Variants in RIMS1 observed in about 807,000 individuals in gnomAD.
RIMS1 encodes the protein regulating synaptic membrane exocytosis 1.
Under a neutral mutation model 214.1 loss-of-function variants are expected in RIMS1, and 83 were observed. That is an observed-to-expected ratio of 0.39 (90% confidence interval 0.32 to 0.47). The LOEUF is 0.47. Ranked by LOEUF, RIMS1 falls within the 20% of genes least tolerant of loss-of-function variation. The pLI is 0.99. For missense variants in RIMS1, 2,050 were observed against 2,161.8 expected (o/e 0.95, Z 1.03); for synonymous variants, 793 against 786.8 (o/e 1.01, Z -0.13).
chr6:72,133,504 C>A (rs2040789853), intron 4 of RIMS1, among the ~76,000 whole-genome samples: 1 of 152,174 alleles, frequency 6.6e-6, no homozygotes, highest in African/African-American at 2.4e-5. Context: ...CTGGCTTGCA[C>A]ATATCAGTTG....
chr6:71,964,353 C>T (rs1793843994), intron 1 of RIMS1, among the ~76,000 whole-genome samples: 1 of 152,060 alleles, frequency 6.6e-6, no homozygotes, highest in Non-Finnish European at 1.5e-5. Context: ...GTGGCAGGAC[C>T]TGATTTATCT....
At chr6:72,131,204 A>G (rs1479877234) in intron 4 of RIMS1, among the ~76,000 whole-genome samples, 2 of 152,346 alleles carry the variant, frequency 1.3e-5, no homozygotes, top group African/African-American at 4.8e-5. Flanking sequence ...GAACTCTCCT[A>G]TACTGAGCAT....
At chr6:72,333,864 C>A in intron 29 of RIMS1, 29 bp downstream of exon 29, 1 of 1,471,310 alleles carries the variant, frequency 6.8e-7, no homozygotes, top group Non-Finnish European at 9.3e-7. Context: ...ACCTAAACAA[C>A]TCAATTCTTT....
chr6:72,043,609 C>T lies in RIMS1; in HGVS notation c.246-53340C>T, dbSNP rs945421085. ...AATTCTGAGTGTGTTCCTTTGAGAA[C>T]ATTAATTTCACAGTAAAATTGTCAA... On this transcript the variant is annotated intron_variant, in intron 2 of 33. Coordinates refer to ENST00000521978, the MANE Select transcript of RIMS1 (RefSeq NM_014989.7). Among the ~76,000 whole-genome samples the T allele has an allele frequency of 7.6e-5, 11 of 145,328 alleles. No individual in the cohort carries two copies. In the South Asian group the frequency reaches 1.3e-3, roughly 17 times the overall value.
intron 1 of RIMS1, among the ~76,000 whole-genome samples, chr6:71,916,939 A>G (rs1368790224): frequency 1.3e-5 from 2 of 152,122 alleles, no homozygotes; most frequent in African/African-American, 2.4e-5. Context: ...ATGACAGCCA[A>G]TGTTCCTACC....
chr6:72,390,039 A>G (rs1350205373), intron 29 of RIMS1, among the ~76,000 whole-genome samples: 1 of 152,260 alleles, frequency 6.6e-6, no homozygotes, highest in Non-Finnish European at 1.5e-5. Flanking sequence ...TATATGGAGT[A>G]GAAATAAGTA....
At chr6:72,040,931 C>T (rs997125471) in intron 2 of RIMS1, among the ~76,000 whole-genome samples, 1 of 151,692 alleles carries the variant, frequency 6.6e-6, no homozygotes, top group African/African-American at 2.4e-5. Context: ...CCCTACAACC[C>T]CCCAAAAGCC....
At chr6:72,383,608 T>TAAAAAAA (rs1170633297) in intron 29 of RIMS1, among the ~76,000 whole-genome samples, 9 of 85,890 alleles carry the variant, frequency 1.0e-4, no homozygotes, top group South Asian at 4.4e-4. Context: ...ACCCCATCTC[T>TAAAAAAA]AAAAAAAAAA....
At chr6:72,018,618 G>C (rs1481918208) in intron 2 of RIMS1, among the ~76,000 whole-genome samples, 1 of 152,150 alleles carries the variant, frequency 6.6e-6, no homozygotes, top group Non-Finnish European at 1.5e-5. Context: ...TACCAAGGAT[G>C]AGAGTATTGG....
intron 27 of RIMS1, among the ~76,000 whole-genome samples, chr6:72,310,180 T>G (rs2154290461): frequency 1.3e-5 from 2 of 152,236 alleles, no homozygotes; most frequent in South Asian, 4.1e-4. Context: ...TAGTTAACTA[T>G]TCTCAAATAC....
At chr6:71,905,263 G>T (rs1028564233) in intron 1 of RIMS1, among the ~76,000 whole-genome samples, 4 of 151,944 alleles carry the variant, frequency 2.6e-5, no homozygotes, top group African/African-American at 9.7e-5. Context: ...TAAATTAGCA[G>T]TGTGTTTTTG....
intron 30 of RIMS1, 33 bp downstream of exon 30, chr6:72,390,769 G>A (rs1224180644): frequency 6.2e-7 from 1 of 1,609,732 alleles, no homozygotes; most frequent in East Asian, 2.2e-5. Flanking sequence ...CATGGCTGTG[G>A]AACCAGGAAT....
At chr6:71,895,073 C>T (rs1320465651) in intron 1 of RIMS1, among the ~76,000 whole-genome samples, 1 of 152,100 alleles carries the variant, frequency 6.6e-6, no homozygotes, top group African/African-American at 2.4e-5. Flanking sequence ...ATATAAAAGT[C>T]TTACACTACT....
intron 4 of RIMS1, among the ~76,000 whole-genome samples, chr6:72,177,682 A>C (rs1168533274): frequency 1.3e-5 from 2 of 152,176 alleles, no homozygotes; most frequent in African/African-American, 4.8e-5. Flanking sequence ...ACATGATTTC[A>C]AACTTTCTTA....
At chr6:71,951,080 T>C (rs1341264773) in intron 1 of RIMS1, among the ~76,000 whole-genome samples, 1 of 152,212 alleles carries the variant, frequency 6.6e-6, no homozygotes, top group African/African-American at 2.4e-5. Flanking sequence ...CAGTCCAAAG[T>C]TGTAAAATTG....
At chr6:72,151,904 T>C (rs1201776260) in intron 4 of RIMS1, among the ~76,000 whole-genome samples, 1 of 152,108 alleles carries the variant, frequency 6.6e-6, no homozygotes, top group Admixed American at 6.5e-5. Context: ...CTCAGGAAGT[T>C]GCAAACATGG....
At chr6:71,957,181 T>C (rs1791538323) in intron 1 of RIMS1, among the ~76,000 whole-genome samples, 3 of 152,150 alleles carry the variant, frequency 2.0e-5, no homozygotes, top group Admixed American at 2.0e-4. Flanking sequence ...CTCTGGAATA[T>C]ATGCCTAGTG....
intron 29 of RIMS1, among the ~76,000 whole-genome samples, chr6:72,340,266 T>A (rs1485913407): frequency 6.6e-6 from 1 of 152,052 alleles, no homozygotes; most frequent in African/African-American, 2.4e-5. Flanking sequence ...TTTCTTTTGC[T>A]GTGCAGAAGC....
intron 2 of RIMS1, among the ~76,000 whole-genome samples, chr6:71,970,465 G>A (rs1795588485): frequency 6.6e-6 from 1 of 151,986 alleles, no homozygotes; most frequent in Non-Finnish European, 1.5e-5. Flanking sequence ...CACGTATCGA[G>A]GTTTCATTTT....
Sources: allele counts gnomAD v4.1 joint callset (sites outside exome capture counted in the v4.1 genomes callset), GRCh38; gene constraint gnomAD v4.1.1; transcripts MANE v1.5; gene names NCBI Gene and HGNC (gene_info 2026-07-23, HGNC 2026-07-21).